BMP6: variants seen among roughly 807,000 people sequenced by gnomAD.
The protein encoded by BMP6 is VG-1-R.
BMP6 carries 17 observed loss-of-function variants against 54.1 expected under a neutral mutation model. That is an observed-to-expected ratio of 0.31 (90% CI 0.22 to 0.47). The LOEUF (loss-of-function observed/expected upper bound fraction) is 0.47, where lower values mean the gene tolerates loss of function less well. BMP6 is among the 20% of genes least tolerant of loss of function. The pLI, the probability that BMP6 is intolerant of heterozygous loss-of-function variation, is 1.00. For synonymous variants in BMP6, 328 were observed against 291.2 expected, an observed-to-expected ratio of 1.13 and a Z score of -1.28; for missense variants, 720 against 690.4, an observed-to-expected ratio of 1.04 and a Z score of -0.48.
At chr6:7,753,750 A>G (rs1757460847) in intron 1 of BMP6, among the ~76,000 whole-genome samples, 1 of 152,276 alleles carries the variant, frequency 6.6e-6, no homozygotes, top group Non-Finnish European at 1.5e-5. Context: ...ATTAAAGGAT[A>G]TAGGTTTTCG....
intron 1 of BMP6, among the ~76,000 whole-genome samples, chr6:7,838,896 C>T (rs981016879): frequency 6.8e-5 from 10 of 146,364 alleles, no homozygotes; most frequent in African/African-American, 1.3e-4. Flanking sequence ...GAGCCGAGAT[C>T]GCGCCACTGC....
intron 1 of BMP6, among the ~76,000 whole-genome samples, chr6:7,796,722 C>T (rs898808265): frequency 6.6e-6 from 1 of 152,110 alleles, no homozygotes; most frequent in Non-Finnish European, 1.5e-5. Flanking sequence ...AGAACCAATA[C>T]ATAATGGAAT....
intron 1 of BMP6, among the ~76,000 whole-genome samples, chr6:7,833,053 A>T (rs1350430562): frequency 6.6e-6 from 1 of 151,898 alleles, no homozygotes; most frequent in South Asian, 2.1e-4. Context: ...GAGTGGATGG[A>T]CATGGGGCAA....
At chr6:7,830,836 C>T (rs575841398) in intron 1 of BMP6, among the ~76,000 whole-genome samples, 2 of 151,582 alleles carry the variant, frequency 1.3e-5, no homozygotes, top group African/African-American at 4.9e-5. Flanking sequence ...TCAACTGTCT[C>T]CCACCAGGTA....
chr6:7,860,147 G>A (rs1455625941), intron 2 of BMP6, among the ~76,000 whole-genome samples: 1 of 152,222 alleles, frequency 6.6e-6, no homozygotes, highest in Non-Finnish European at 1.5e-5. Context: ...GTAGCCTTGT[G>A]TCTGAGTCTC....
chr6:7,806,087 C>G (rs1006972572), intron 1 of BMP6, among the ~76,000 whole-genome samples: 1 of 152,214 alleles, frequency 6.6e-6, no homozygotes, highest in Non-Finnish European at 1.5e-5. Context: ...TAACATCGAA[C>G]ATATTTTCTA....
At chr6:7,752,116 G>A (rs556312183) in intron 1 of BMP6, among the ~76,000 whole-genome samples, 3 of 152,312 alleles carry the variant, frequency 2.0e-5, no homozygotes, top group East Asian at 1.9e-4. Context: ...TAGAGCAGGA[G>A]TTGGAACATT....
At chr6:7,858,668 G>T (rs1423079454) in intron 2 of BMP6, among the ~76,000 whole-genome samples, 1 of 151,702 alleles carries the variant, frequency 6.6e-6, no homozygotes, top group African/African-American at 2.4e-5. Context: ...GATGACATAG[G>T]TCCTGCCTTT....
chr6:7,745,159 A>AT (rs1307262171), intron 1 of BMP6, among the ~76,000 whole-genome samples: 1 of 152,252 alleles, frequency 6.6e-6, no homozygotes, highest in Non-Finnish European at 1.5e-5. Context: ...AGATCTATTT[A>AT]TAAAAGGATT....
At chr6:7,830,977 C>CA (rs1236179454) in intron 1 of BMP6, among the ~76,000 whole-genome samples, 4 of 152,196 alleles carry the variant, frequency 2.6e-5, no homozygotes, top group Admixed American at 2.6e-4. Flanking sequence ...GAACTGAAAA[C>CA]ACGTACTCAC....
At chr6:7,819,062 A>G (rs1758569709) in intron 1 of BMP6, among the ~76,000 whole-genome samples, 2 of 152,152 alleles carry the variant, frequency 1.3e-5, no homozygotes, top group Admixed American at 1.3e-4. Context: ...AAAGGGGGAA[A>G]AAGACAAGCT....
chr6:7,742,192 G>A (rs1011354360), intron 1 of BMP6, among the ~76,000 whole-genome samples: 15 of 152,180 alleles, frequency 9.9e-5, no homozygotes, highest in African/African-American at 3.6e-4. Flanking sequence ...TTTATGTTCT[G>A]TGACTTTCTA....
chr6:7,834,745 G>C (rs1185772517), intron 1 of BMP6, among the ~76,000 whole-genome samples: 1 of 152,188 alleles, frequency 6.6e-6, no homozygotes, highest in Non-Finnish European at 1.5e-5. Context: ...CAGTGAAGGA[G>C]AGAACTGGTA....
intron 1 of BMP6, among the ~76,000 whole-genome samples, chr6:7,761,495 T>C (rs17763764): frequency 0.13 from 19,195 of 152,226 alleles, 1,430 homozygotes; most frequent in East Asian, 0.3. Context: ...ATTAATAGCA[T>C]AGAGAAATTC....
chr6:7,731,919 A>G (rs1280693211), intron 1 of BMP6, among the ~76,000 whole-genome samples: 1 of 152,254 alleles, frequency 6.6e-6, no homozygotes, highest in Non-Finnish European at 1.5e-5. Flanking sequence ...TCCAAATGCT[A>G]GGATTAAATG....
At chr6:7,755,428 G>GT (rs1458079748) in intron 1 of BMP6, among the ~76,000 whole-genome samples, 6 of 152,018 alleles carry the variant, frequency 3.9e-5, no homozygotes, top group Non-Finnish European at 7.4e-5. Flanking sequence ...ACCACTTCAC[G>GT]TAGAATGTAA....
At chr6:7,852,293 C>T (rs945812343) in intron 2 of BMP6, among the ~76,000 whole-genome samples, 4 of 152,206 alleles carry the variant, frequency 2.6e-5, no homozygotes, top group Non-Finnish European at 4.4e-5. Context: ...GTCTAGGATG[C>T]TGGGCACAGC....
chr6:7,787,234 G>A (rs1372366129), intron 1 of BMP6, among the ~76,000 whole-genome samples: 2 of 152,148 alleles, frequency 1.3e-5, no homozygotes, highest in Non-Finnish European at 2.9e-5. Flanking sequence ...CTGGCCAGTT[G>A]TACATATGCA....
intron 1 of BMP6, among the ~76,000 whole-genome samples, chr6:7,813,108 A>AAAAAAAAAAATAT (rs1554122651): frequency 1.9e-4 from 4 of 21,496 alleles, no homozygotes; most frequent in Non-Finnish European, 2.3e-4. Context: ...AAAAAAAAAA[A>AAAAAAAAAAATAT]ATATATATAT....
Sources: gnomAD v4.1 joint callset for allele counts (sites outside exome capture counted in the v4.1 genomes callset) on GRCh38, gnomAD v4.1.1 for gene constraint, MANE v1.5 for transcripts, NCBI Gene and HGNC (gene_info 2026-07-23, HGNC 2026-07-21) for gene names.